Variants in GSK3B observed in about 807,000 individuals in gnomAD.
GSK3B encodes the protein glycogen synthase kinase 3 beta.
In GSK3B, 15 loss-of-function variants were observed where a neutral mutation model predicts 56.4. That is an observed-to-expected ratio of 0.27 (90% CI 0.18 to 0.41). The LOEUF is 0.41. GSK3B is among the 10% of genes least tolerant of loss of function. GSK3B has a pLI of 1.00. For missense variants in GSK3B, 300 were observed against 513.4 expected (o/e 0.58, Z 4.02); for synonymous variants, 181 against 188.9 (o/e 0.96, Z 0.34).
intron 7 of GSK3B, among the ~76,000 whole-genome samples, chr3:119,883,766 A>G (rs1192166909): frequency 1.3e-5 from 2 of 152,178 alleles, no homozygotes; most frequent in African/African-American, 4.8e-5. Context: ...AAATCTTATC[A>G]GTGGTAAACA....
At chr3:119,918,733 T>A (rs932636679) in intron 4 of GSK3B, among the ~76,000 whole-genome samples, 2 of 152,222 alleles carry the variant, frequency 1.3e-5, no homozygotes, top group African/African-American at 2.4e-5. Context: ...CAATTTTTTT[T>A]ATTTTTCATT....
intron 1 of GSK3B, among the ~76,000 whole-genome samples, chr3:120,076,468 C>T (rs1279681036): frequency 2.5e-4 from 38 of 152,176 alleles, no homozygotes; most frequent in Non-Finnish European, 1.2e-4. Context: ...GGTTAATATT[C>T]AAGATTTATA....
At chr3:119,885,295 C>T (rs997497378) in intron 7 of GSK3B, among the ~76,000 whole-genome samples, 5 of 123,752 alleles carry the variant, frequency 4.0e-5, no homozygotes, top group Non-Finnish European at 9.1e-5. Flanking sequence ...AATAAAATAC[C>T]TAGGAATACC....
chr3:119,880,259 T>C (rs1395587357), intron 7 of GSK3B, among the ~76,000 whole-genome samples: 2 of 152,238 alleles, frequency 1.3e-5, no homozygotes, highest in African/African-American at 4.8e-5. Flanking sequence ...TTGCCATCTG[T>C]ATGTATCCTT....
chr3:119,842,676 T>C (rs2055792939), intron 10 of GSK3B, among the ~76,000 whole-genome samples: 1 of 152,158 alleles, frequency 6.6e-6, no homozygotes. Context: ...CAGGATGATC[T>C]TGAACTCCTG....
chr3:120,080,563 G>A (rs1451366244), intron 1 of GSK3B, among the ~76,000 whole-genome samples: 2 of 152,130 alleles, frequency 1.3e-5, no homozygotes, highest in East Asian at 1.9e-4. Context: ...AGGTGCAGTG[G>A]CTCATGCCTG....
chr3:120,056,732 T>A (rs577518743), intron 1 of GSK3B, among the ~76,000 whole-genome samples: 1 of 152,284 alleles, frequency 6.6e-6, no homozygotes, highest in Non-Finnish European at 1.5e-5. Flanking sequence ...AGCAAGTTTC[T>A]CTGAGCATGA....
chr3:119,955,896 G>A (rs1392403071), intron 2 of GSK3B, among the ~76,000 whole-genome samples: 2 of 151,948 alleles, frequency 1.3e-5, no homozygotes, highest in Middle Eastern at 3.2e-3. Flanking sequence ...CTGGTGATCC[G>A]CCTACCTCGG....
At chr3:120,079,507 G>A (rs2058399159) in intron 1 of GSK3B, among the ~76,000 whole-genome samples, 2 of 151,986 alleles carry the variant, frequency 1.3e-5, no homozygotes, top group African/African-American at 2.4e-5. Flanking sequence ...CGATTCTCCT[G>A]CCTTAGCCTC....
intron 8 of GSK3B, chr3:119,866,565 T>C (rs1250691728): frequency 6.5e-7 from 1 of 1,540,868 alleles, no homozygotes; most frequent in East Asian, 2.3e-5. Flanking sequence ...CCTGAAATTT[T>C]GGGAAAAAAA....
intron 3 of GSK3B, among the ~76,000 whole-genome samples, chr3:119,939,622 A>G (rs1292933729): frequency 6.6e-6 from 1 of 152,218 alleles, no homozygotes; most frequent in African/African-American, 2.4e-5. Flanking sequence ...AAAGGTATGT[A>G]CTAGAAGAAG....
chr3:120,067,103 G>A (rs990660305), intron 1 of GSK3B, among the ~76,000 whole-genome samples: 8 of 152,076 alleles, frequency 5.3e-5, no homozygotes, highest in Non-Finnish European at 8.8e-5. Context: ...CATGTGGCCC[G>A]GGAATTAGAC....
At chr3:119,922,734 T>C (rs1416147940) in intron 4 of GSK3B, among the ~76,000 whole-genome samples, 1 of 152,044 alleles carries the variant, frequency 6.6e-6, no homozygotes, top group East Asian at 1.9e-4. Context: ...TATTTAGATA[T>C]GTGAACTTTC....
At chr3:119,917,952 T>C (rs1260038640) in intron 4 of GSK3B, among the ~76,000 whole-genome samples, 2 of 152,104 alleles carry the variant, frequency 1.3e-5, no homozygotes, top group South Asian at 2.1e-4. Context: ...AACTGCTTTA[T>C]GTGTATTATT....
chr3:120,049,955 G>C (rs1380452554), intron 1 of GSK3B, among the ~76,000 whole-genome samples: 1 of 152,196 alleles, frequency 6.6e-6, no homozygotes, highest in African/African-American at 2.4e-5. Context: ...GAATACATGA[G>C]ACTGGGTAAT....
At chr3:120,090,114 A>G (rs1401944359) in intron 1 of GSK3B, among the ~76,000 whole-genome samples, 1 of 152,154 alleles carries the variant, frequency 6.6e-6, no homozygotes, top group Non-Finnish European at 1.5e-5. Flanking sequence ...TAATGGCTAC[A>G]TATCTAAAAT....
chr3:120,041,253 C>A, intron 1 of GSK3B: 2 of 251,138 alleles, frequency 8.0e-6, no homozygotes, highest in Non-Finnish European at 1.7e-5. Flanking sequence ...CGGCTCCAAG[C>A]AGCTGGGCAT....
chr3:120,010,398 T>TAA (rs1298130471), intron 1 of GSK3B, among the ~76,000 whole-genome samples: 1 of 152,176 alleles, frequency 6.6e-6, no homozygotes, highest in African/African-American at 2.4e-5. Context: ...CTTCTGAACT[T>TAA]AAACTCTAAA....
intron 1 of GSK3B, among the ~76,000 whole-genome samples, chr3:120,038,029 A>G (rs999319866): frequency 6.6e-6 from 1 of 152,178 alleles, no homozygotes; most frequent in Admixed American, 6.5e-5. Flanking sequence ...TTTATATTAA[A>G]TATTGTTCAT....
Sources: allele counts gnomAD v4.1 joint callset (sites outside exome capture counted in the v4.1 genomes callset), GRCh38; gene constraint gnomAD v4.1.1; transcripts MANE v1.5; gene names NCBI Gene and HGNC (gene_info 2026-07-23, HGNC 2026-07-21).